The following BCL11A variants were observed in gnomAD, a reference collection of about 807,000 sequenced individuals.
BCL11A encodes B cell CLL/lymphoma 11A.
BCL11A carries 2 observed loss-of-function variants against 55.9 expected under a neutral mutation model. The observed-to-expected ratio is 0.04, with a 90% CI of 0.01 to 0.11. The LOEUF (loss-of-function observed/expected upper bound fraction) is 0.11, where lower values mean the gene tolerates loss of function less well. BCL11A is among the 10% of genes least tolerant of loss of function. BCL11A has a pLI of 1.00. For missense variants in BCL11A, 817 were observed against 1,137.1 expected (o/e 0.72, Z 4.05); for synonymous variants, 465 against 473.4 (o/e 0.98, Z 0.23).
intron 2 of BCL11A, among the ~76,000 whole-genome samples, chr2:60,502,380 GAA>G (rs1275545927): frequency 6.6e-6 from 1 of 152,162 alleles, no homozygotes; most frequent in Non-Finnish European, 1.5e-5. Flanking sequence ...TAAACCATCG[GAA>G]AAAGTCTCAG....
Position 60,553,482 on chromosome 2 carries a change from CAAAAAAAAAAAAAAAAA to C in BCL11A, c.-229_-213del, listed in dbSNP as rs756699731. The C allele has an allele frequency of 1.1e-4, 4 of 35,182 alleles. No homozygotes were observed. Among genetic ancestry groups the C allele is most frequent in the East Asian group, 1.6e-3 (1 of 630 alleles). 2.2% of individuals were successfully genotyped at this position (35,182 alleles called of 1,614,324 possible). On this transcript the variant is annotated 5_prime_UTR_variant, in exon 1 of 4. Coordinates refer to ENST00000642384, the MANE Select transcript of BCL11A (RefSeq NM_022893.4). The stretch of plus-strand genomic sequence containing the variant: ...AGAGCCGTCATGGCTTTTTTTTAAG[CAAAAAAAAAAAAAAAAA>C]AAAAAAAAAAAAGAGGGAGAGAGAG...
chr2:60,501,806 T>A lies in BCL11A; in HGVS notation c.386-32973A>T, dbSNP rs373479304. 5.3e-5 allele frequency among the ~76,000 whole-genome samples: 8 copies of A among 152,288 alleles called. No homozygotes were observed. The East Asian group carries it at 7.7e-4, about 15-fold the overall frequency. ...CAGACGTGAGCCACTGCGCCCAGCC[T>A]TACACTGCTTTCTTAATTACAGCAG... On this transcript the variant is annotated intron_variant, in intron 2 of 3. Transcript: ENST00000642384.
downstream of BCL11A, among the ~76,000 whole-genome samples, chr2:60,453,909 C>T (rs1009675107): frequency 3.3e-5 from 5 of 152,126 alleles, no homozygotes; most frequent in African/African-American, 7.2e-5. Flanking sequence ...GATCAACCAT[C>T]GAGCTGTGTT....
downstream of BCL11A, among the ~76,000 whole-genome samples, chr2:60,454,440 A>G (rs71526493): frequency 6.6e-6 from 1 of 151,966 alleles, no homozygotes; most frequent in African/African-American, 2.4e-5. Context: ...AAGTTCCCAC[A>G]ATTTTTTTTT....
intron 2 of BCL11A, among the ~76,000 whole-genome samples, chr2:60,480,339 C>G (rs753765771): frequency 6.6e-6 from 1 of 152,208 alleles, no homozygotes; most frequent in Non-Finnish European, 1.5e-5. Flanking sequence ...CTTCTAAGAA[C>G]CAAGACTCAG....
intron 2 of BCL11A, among the ~76,000 whole-genome samples, chr2:60,504,827 C>A (rs554185282): frequency 1.1e-4 from 17 of 152,126 alleles, no homozygotes; most frequent in Non-Finnish European, 2.1e-4. Context: ...CAAACTGATT[C>A]CTATCACATG....
In BCL11A at chr2:60,546,331, T is replaced by A; in HGVS notation, c.56-31A>T. Reference sequence around the variant, plus strand: ...GTTGGAGAAACAAAAGCACAATTATTAGAGTGCCAGAGAGGACAGAAAGGG... The same window carrying A: ...GTTGGAGAAACAAAAGCACAATTATAAGAGTGCCAGAGAGGACAGAAAGGG... On this transcript the variant is annotated intron_variant, in intron 1 of 3. Coordinates refer to ENST00000642384, the MANE Select transcript of BCL11A (RefSeq NM_022893.4). The surrounding 1 kb of genome is among the most constrained non-coding windows in gnomAD (Gnocchi z 4.1). The A allele has an allele frequency of 6.3e-7, 1 of 1,589,768 alleles. No homozygotes were observed. The highest frequency in any genetic ancestry group is 8.6e-7 in the Non-Finnish European group (1 of 1,161,884).
chr2:60,459,437 C>T lies in BCL11A; in HGVS notation c.*967G>A, dbSNP rs1642855076. 4.9e-6 allele frequency: 5 copies of T among 1,022,046 alleles called. No individual in the cohort carries two copies. The highest frequency in any genetic ancestry group is 1.7e-5 in the African/African-American group (1 of 58,576). The allele number at this position is 1,022,046 out of a possible 1,614,324, so 63.3% of individuals were successfully genotyped here. A position where few individuals can be genotyped will look rare whatever the true frequency, so the allele number is the denominator to read the frequency against. ...ACAGCCCATTTCTTTTAAGCTCTCA[C>T]CAGGAGCAAAGTAGCTTTTATACTG... On this transcript the variant is annotated 3_prime_UTR_variant, in exon 4 of 4. Coordinates refer to ENST00000642384, the MANE Select transcript of BCL11A (RefSeq NM_022893.4).
At chr2:60,544,415 C>A (rs999669845) in intron 2 of BCL11A, 4 of 152,136 alleles carry the variant, frequency 2.6e-5, no homozygotes, top group African/African-American at 9.7e-5. Flanking sequence ...GAGATAAAAT[C>A]TTCACCTACA....
intron 2 of BCL11A, among the ~76,000 whole-genome samples, chr2:60,470,863 C>T (rs1276978441): frequency 6.6e-6 from 1 of 152,000 alleles, no homozygotes; most frequent in Admixed American, 6.6e-5. Context: ...CAAGTCTGTC[C>T]CTTCATTTTA....
intron 2 of BCL11A, chr2:60,508,831 T>C (rs1343309343): frequency 6.6e-6 from 1 of 152,320 alleles, no homozygotes; most frequent in East Asian, 1.9e-4. Flanking sequence ...TTACCTATGA[T>C]TCCAGAAGAG....
rs770356174 is a variant in BCL11A, at chr2:60,461,249, T to C, written c.1663A>G (p.Met555Val). 1.0e-4 allele frequency: 162 copies of C among 1,608,812 alleles called. No individual in the cohort carries two copies. Among genetic ancestry groups the C allele is most frequent in the Non-Finnish European group, 1.4e-4 (161 of 1,179,560 alleles). Reference protein sequence around the residue: ...DVMQGMVLSSMQHFSEAFHQV... With the variant: ...DVMQGMVLSSVQHFSEAFHQV... The stretch of plus-strand genomic sequence containing the variant: ...TGGAAGGCCTCGCTGAAGTGCTGCA[T>C]GGAGCTGAGCACCATGCCCTGCATG... The change falls in exon 4 of 4, where the codon ATG becomes GTG. Residue 555 changes from methionine (M) to valine (V), a missense_variant. By Grantham distance (21) the Met-to-Val change is conservative. Around this residue, in one of 4 missense-constraint regions of BCL11A, gnomAD observed 379 missense variants for 425.3 expected, o/e 0.89. Coordinates refer to ENST00000642384, the MANE Select transcript of BCL11A (RefSeq NM_022893.4).
chr2:60,503,026 G>A (rs1573018725), intron 2 of BCL11A, among the ~76,000 whole-genome samples: 1 of 152,320 alleles, frequency 6.6e-6, no homozygotes. Context: ...CTACTGGCTT[G>A]GAGCAAAACC....
At position 60,460,820 on chromosome 2, in the gene BCL11A, G is replaced by A; in HGVS notation, c.2092C>T (p.Arg698Cys). The A allele has an allele frequency of 6.2e-7, 1 of 1,612,730 alleles. No homozygotes were observed. Among genetic ancestry groups the A allele is most frequent in the Non-Finnish European group, 8.5e-7 (1 of 1,180,026 alleles). Reference protein sequence around the residue: ...SEHSSENGSLRFSTPPGELDG... With the variant: ...SEHSSENGSLCFSTPPGELDG... ...AGCTCCCCGGGCGGTGTGGAGAAGCGCAAACTCCCGTTCTCCGAGGAGTGC... is the reference window on the plus strand; with the variant it reads ...AGCTCCCCGGGCGGTGTGGAGAAGCACAAACTCCCGTTCTCCGAGGAGTGC... The change falls in exon 4 of 4, where the codon CGC becomes TGC. Residue 698 changes from arginine to cysteine, a missense_variant. This residue lies in a region of BCL11A where 379 missense variants were observed against 425.3 expected (regional missense o/e 0.89). Coordinates refer to ENST00000642384, the MANE Select transcript of BCL11A (RefSeq NM_022893.4).
intron 2 of BCL11A, among the ~76,000 whole-genome samples, chr2:60,491,641 AG>A (rs1324874758): frequency 6.6e-6 from 1 of 151,626 alleles, no homozygotes; most frequent in Non-Finnish European, 1.5e-5. Flanking sequence ...ATTGCATTCC[AG>A]CCCGGGCAAC....
At position 60,458,411 on chromosome 2, in the gene BCL11A, T is replaced by C. The variant is rs1434770342; in HGVS notation, c.*1993A>G. 2.9e-6 allele frequency: 3 copies of C among 1,020,312 alleles called. No homozygotes were observed. Among genetic ancestry groups the C allele is most frequent in the Middle Eastern group, 4.7e-4 (1 of 2,134 alleles). 63.2% of individuals were successfully genotyped at this position (1,020,312 alleles called of 1,614,324 possible). A position where few individuals can be genotyped will look rare whatever the true frequency, so the allele number is the denominator to read the frequency against. On this transcript the variant is annotated 3_prime_UTR_variant, in exon 4 of 4. Coordinates refer to ENST00000642384, the MANE Select transcript of BCL11A (RefSeq NM_022893.4). Reference sequence around the variant, plus strand: ...AAATGCAGTTCCCCCCTAAACATAATGAAGTGTTTTTTAAAAAAAATTTTT... The same window carrying C: ...AAATGCAGTTCCCCCCTAAACATAACGAAGTGTTTTTTAAAAAAAATTTTT...
chr2:60,457,541 T>C lies in BCL11A; in HGVS notation c.*2863A>G, dbSNP rs1675995172. On this transcript the variant is annotated 3_prime_UTR_variant, in exon 4 of 4. Coordinates refer to ENST00000642384, the MANE Select transcript of BCL11A (RefSeq NM_022893.4). The stretch of plus-strand genomic sequence containing the variant: ...AAGGCCAATAACAAAATATTCTGCA[T>C]TGCCATTTACAAAAAAGTATTGACT... 2 of 1,046,740 alleles carry C rather than the reference T, an allele frequency of 1.9e-6. No individual in the cohort carries two copies. The highest frequency in any genetic ancestry group is 1.7e-5 in the African/African-American group (1 of 60,058). The allele number at this position is 1,046,740 out of a possible 1,614,324, so 64.8% of individuals were successfully genotyped here.
chr2:60,494,258 G>A (rs1367060818), intron 2 of BCL11A, among the ~76,000 whole-genome samples: 3 of 152,194 alleles, frequency 2.0e-5, no homozygotes, highest in East Asian at 3.8e-4. Context: ...GGGAGAGTGG[G>A]AAGACGTGGG....
chr2:60,491,689 G>GAAAAAAA (rs759978839), intron 2 of BCL11A, among the ~76,000 whole-genome samples: 7 of 134,750 alleles, frequency 5.2e-5, no homozygotes, highest in Admixed American at 1.4e-4. Context: ...AAAGAAAAAA[G>GAAAAAAA]AAAAAAAAAA....
Sources: allele counts gnomAD v4.1 joint callset (sites outside exome capture counted in the v4.1 genomes callset), GRCh38; gene constraint gnomAD v4.1.1; regional missense constraint gnomAD v4.1.1; non-coding constraint Gnocchi (gnomAD v3.1); transcripts MANE v1.5; gene names NCBI Gene and HGNC (gene_info 2026-07-23, HGNC 2026-07-21).